Variants in AGMO observed in about 807,000 individuals in gnomAD.
AGMO encodes glyceryl-ether monooxygenase.
Under a neutral mutation model 60.2 loss-of-function variants are expected in AGMO, and 75 were observed. That is an observed-to-expected ratio of 1.25 (90% CI 1.03 to 1.51). AGMO has a LOEUF of 1.51. Among genes scored for constraint, AGMO ranks in the 40% most tolerant of loss-of-function variants. The pLI is 0.00. For missense variants in AGMO, 763 were observed against 525.5 expected (o/e 1.45, Z -4.42); for synonymous variants, 261 against 177.1 (o/e 1.47, Z -3.76).
At chr7:15,505,451 C>A (rs575923646) in intron 3 of AGMO, among the ~76,000 whole-genome samples, 1 of 152,062 alleles carries the variant, frequency 6.6e-6, no homozygotes, top group African/African-American at 2.4e-5. Flanking sequence ...AGGCATACAA[C>A]TAAAACTACT....
In AGMO at chr7:15,435,358, T is replaced by A. The variant is rs181351727; in HGVS notation, c.410-4250A>T. On this transcript the variant is annotated intron_variant, in intron 3 of 12. Coordinates refer to ENST00000342526, the MANE Select transcript of AGMO (RefSeq NM_001004320.2). ...TACCAGCAGTGTGTGAGAGTTCAAG[T>A]TGCTCCACATCTCTGGCAGCACCTG... Among the ~76,000 whole-genome samples, 26 of 151,808 alleles carry A rather than the reference T, an allele frequency of 1.7e-4. No individual in the cohort carries two copies. In the East Asian group the frequency reaches 4.2e-3, roughly 25 times the overall value.
chr7:15,295,580 T>A (rs1023724362), intron 12 of AGMO, among the ~76,000 whole-genome samples: 2 of 152,048 alleles, frequency 1.3e-5, no homozygotes, highest in African/African-American at 4.8e-5. Flanking sequence ...TAAAATTTAA[T>A]CCTCGCTATT....
chr7:15,415,650 A>G (rs1780744935), intron 5 of AGMO, among the ~76,000 whole-genome samples: 2 of 152,196 alleles, frequency 1.3e-5, no homozygotes, highest in Non-Finnish European at 2.9e-5. Flanking sequence ...ATATACATAA[A>G]CAATGTGATA....
At chr7:15,415,016 T>G (rs1780723937) in intron 5 of AGMO, among the ~76,000 whole-genome samples, 1 of 152,154 alleles carries the variant, frequency 6.6e-6, no homozygotes, top group African/African-American at 2.4e-5. Context: ...ATGGTAAAAG[T>G]TAAAACTCTG....
chr7:15,279,223 C>T (rs754204903), intron 12 of AGMO, among the ~76,000 whole-genome samples: 1 of 151,966 alleles, frequency 6.6e-6, no homozygotes, highest in African/African-American at 2.4e-5. Flanking sequence ...GGTTCTCTCA[C>T]TCATCCCTTC....
rs567764255 is a variant in AGMO at position 15,465,618 on chromosome 7, AT to A, written c.410-34511del. ...ATATATATATTTATATATATATATGATTTTTTTTTTAGAGACAGGGTTTCCC... is the reference window on the plus strand; with the variant it reads ...ATATATATATTTATATATATATATGATTTTTTTTTAGAGACAGGGTTTCCC... On this transcript the variant is annotated intron_variant, in intron 3 of 12. Coordinates refer to ENST00000342526, the MANE Select transcript of AGMO (RefSeq NM_001004320.2). Among the ~76,000 whole-genome samples, 115 of 143,860 alleles carry A rather than the reference AT, an allele frequency of 8.0e-4. 2 individuals are homozygous for A. Among genetic ancestry groups the A allele is most frequent in the East Asian group, 2.7e-3 (13 of 4,890 alleles). 94.4% of individuals were successfully genotyped at this position (143,860 alleles called of 152,430 possible). A position where few individuals can be genotyped will look rare whatever the true frequency, so the allele number is the denominator to read the frequency against.
intron 12 of AGMO, among the ~76,000 whole-genome samples, chr7:15,333,853 T>C (rs376973649): frequency 1.1e-4 from 16 of 152,216 alleles, no homozygotes; most frequent in African/African-American, 2.4e-4. Flanking sequence ...TTTTCTTTCA[T>C]AGTATCCCAA....
chr7:15,380,607 A>G (rs1255935039), intron 10 of AGMO, among the ~76,000 whole-genome samples: 2 of 152,196 alleles, frequency 1.3e-5, no homozygotes, highest in Non-Finnish European at 1.5e-5. Context: ...TATAGAATCA[A>G]TGCTATGCTT....
intron 5 of AGMO, among the ~76,000 whole-genome samples, chr7:15,400,828 T>G (rs1784533794): frequency 6.6e-6 from 1 of 152,164 alleles, no homozygotes; most frequent in Non-Finnish European, 1.5e-5. Context: ...TACCATAAAT[T>G]ATTTTATATT....
At chr7:15,178,300 G>A in the AGMO span, among the ~76,000 whole-genome samples, 1 of 152,248 alleles carries the variant, frequency 6.6e-6, no homozygotes, top group African/African-American at 2.4e-5. Flanking sequence ...TTGATAGATT[G>A]GCTGATACAG....
chr7:15,429,438 G>T (rs1781165580), intron 4 of AGMO, among the ~76,000 whole-genome samples: 1 of 151,830 alleles, frequency 6.6e-6, no homozygotes, highest in Admixed American at 6.6e-5. Context: ...AGCCCAGAAA[G>T]AACCAAAAAC....
intron 12 of AGMO, among the ~76,000 whole-genome samples, chr7:15,238,605 T>C (rs1170765697): frequency 6.6e-6 from 1 of 151,564 alleles, no homozygotes; most frequent in Admixed American, 6.6e-5. Flanking sequence ...TTATTAATAA[T>C]TTAAAGGCTA....
At chr7:15,390,973 TG>T in intron 6 of AGMO, 68 bp from the exon 7 acceptor site, 3 of 962,336 alleles carry the variant, frequency 3.1e-6, no homozygotes, top group Non-Finnish European at 4.6e-6. Context: ...ACTTCCATCT[TG>T]TTTTTTAGAA....
chr7:15,413,167 C>G (rs1367574158), intron 5 of AGMO, among the ~76,000 whole-genome samples: 10 of 152,078 alleles, frequency 6.6e-5, no homozygotes, highest in Non-Finnish European at 8.8e-5. Context: ...AAGCCAAATT[C>G]TAGAACATAA....
chr7:15,371,649 C>G (rs188378617), intron 10 of AGMO, among the ~76,000 whole-genome samples: 1 of 152,308 alleles, frequency 6.6e-6, no homozygotes, highest in African/African-American at 2.4e-5. Context: ...CTGCCTGCCC[C>G]TGCCTCCTAA....
chr7:15,272,835 G>C (rs1783658436), intron 12 of AGMO, among the ~76,000 whole-genome samples: 1 of 152,116 alleles, frequency 6.6e-6, no homozygotes, highest in Admixed American at 6.5e-5. Context: ...ATTCTAACTG[G>C]TGTGAGATGG....
At chr7:15,295,989 C>G (rs1784394429) in intron 12 of AGMO, among the ~76,000 whole-genome samples, 3 of 151,968 alleles carry the variant, frequency 2.0e-5, no homozygotes, top group Non-Finnish European at 4.4e-5. Flanking sequence ...TTTTAAAAAT[C>G]AGATAATTTT....
At chr7:15,414,787 T>A (rs953214522) in intron 5 of AGMO, among the ~76,000 whole-genome samples, 3 of 152,104 alleles carry the variant, frequency 2.0e-5, no homozygotes, top group African/African-American at 7.2e-5. Flanking sequence ...GGAACTGACA[T>A]AAAGGGAAAC....
Position 15,310,138 on chromosome 7 carries a change from G to C in AGMO, c.1263+55376C>G, listed in dbSNP as rs573134380. Among the ~76,000 whole-genome samples, 14 of 152,174 alleles carry C rather than the reference G, an allele frequency of 9.2e-5. No individual in the cohort carries two copies. In the South Asian group the frequency reaches 2.7e-3, roughly 29 times the overall value. On this transcript the variant is annotated intron_variant, in intron 12 of 12. Coordinates refer to ENST00000342526, the MANE Select transcript of AGMO (RefSeq NM_001004320.2). ...GCAAACACATAGCAGTGAGGCTGACGAACTTGGCACACTTTAAATAGATCA... is the reference window on the plus strand; with the variant it reads ...GCAAACACATAGCAGTGAGGCTGACCAACTTGGCACACTTTAAATAGATCA...
Sources: gnomAD v4.1 joint callset for allele counts (sites outside exome capture counted in the v4.1 genomes callset) on GRCh38, gnomAD v4.1.1 for gene constraint, MANE v1.5 for transcripts, NCBI Gene and HGNC (gene_info 2026-07-23, HGNC 2026-07-21) for gene names.